Variants in CNTNAP2 observed in about 807,000 individuals in gnomAD.
CNTNAP2 encodes contactin-associated protein-like 2.
CNTNAP2 carries 98 observed loss-of-function variants against 155.2 expected under a neutral mutation model. That is an observed-to-expected ratio of 0.63 (90% CI 0.54 to 0.75). The LOEUF (loss-of-function observed/expected upper bound fraction) is 0.75. Among genes scored for constraint, CNTNAP2 ranks in the 30% least tolerant of loss-of-function variants. The pLI is 0.00. For synonymous variants in CNTNAP2, 651 were observed against 631.2 expected (o/e 1.03, Z -0.47); for missense variants, 1,727 against 1,688.1 (o/e 1.02, Z -0.40).
intron 1 of CNTNAP2, among the ~76,000 whole-genome samples, chr7:146,587,604 G>T (rs574200108): frequency 6.6e-6 from 1 of 152,012 alleles, no homozygotes; most frequent in South Asian, 2.1e-4. Flanking sequence ...TTATATGCAC[G>T]TATGATGGTA....
At chr7:148,276,454 C>T (rs1443841059) in intron 21 of CNTNAP2, among the ~76,000 whole-genome samples, 4 of 152,204 alleles carry the variant, frequency 2.6e-5, no homozygotes, top group Non-Finnish European at 5.9e-5. Context: ...CCACCTCCTC[C>T]CATCCTGCAG....
At chr7:146,164,309 A>T (rs755584216) in intron 1 of CNTNAP2, among the ~76,000 whole-genome samples, 2 of 152,152 alleles carry the variant, frequency 1.3e-5, no homozygotes, top group Non-Finnish European at 2.9e-5. Flanking sequence ...CTCATGTATC[A>T]CTCATCTACT....
intron 10 of CNTNAP2, among the ~76,000 whole-genome samples, chr7:147,454,955 G>C (rs938729949): frequency 6.6e-6 from 1 of 152,044 alleles, no homozygotes; most frequent in Admixed American, 6.6e-5. Context: ...CAGGATCATG[G>C]TCTTTAATCT....
At chr7:148,233,632 C>T (rs898509926) in intron 20 of CNTNAP2, among the ~76,000 whole-genome samples, 2 of 152,206 alleles carry the variant, frequency 1.3e-5, no homozygotes, top group Non-Finnish European at 2.9e-5. Flanking sequence ...ATCACATACA[C>T]GATAACAGCT....
chr7:146,126,973 A>G (rs1385163092), intron 1 of CNTNAP2, among the ~76,000 whole-genome samples: 3 of 152,046 alleles, frequency 2.0e-5, no homozygotes, highest in African/African-American at 4.8e-5. Context: ...TTCCCCCTCT[A>G]GCTTATCATC....
chr7:147,860,347 C>G (rs1469108232), intron 13 of CNTNAP2, among the ~76,000 whole-genome samples: 1 of 152,024 alleles, frequency 6.6e-6, no homozygotes, highest in East Asian at 1.9e-4. Context: ...TCGTTTGGAC[C>G]AAGGAGGTGG....
intron 8 of CNTNAP2, among the ~76,000 whole-genome samples, chr7:147,150,248 C>T (rs1435062159): frequency 6.6e-6 from 1 of 152,022 alleles, no homozygotes; most frequent in Admixed American, 6.6e-5. Context: ...GGAAAGAATT[C>T]CAAGCCAAGC....
chr7:146,978,607 T>C (rs1797956763), intron 3 of CNTNAP2, among the ~76,000 whole-genome samples: 1 of 152,104 alleles, frequency 6.6e-6, no homozygotes, highest in Non-Finnish European at 1.5e-5. Flanking sequence ...TAGTTAAATG[T>C]ATATATTCAT....
At chr7:146,606,577 GT>G (rs1354121405) in intron 1 of CNTNAP2, among the ~76,000 whole-genome samples, 2 of 152,060 alleles carry the variant, frequency 1.3e-5, no homozygotes, top group Non-Finnish European at 2.9e-5. Flanking sequence ...TCATTTTTAT[GT>G]TTTGTCTCTT....
chr7:146,491,182 T>G lies in CNTNAP2; in HGVS notation c.98-283089T>G, dbSNP rs569854807. On this transcript the variant is annotated intron_variant, in intron 1 of 23. Coordinates refer to ENST00000361727, the MANE Select transcript of CNTNAP2 (RefSeq NM_014141.6). ...TGAAAATAAAGTTTCCATGTACAACTAAATCATTCTAGCTACAAGAACACT... is the reference window on the plus strand; with the variant it reads ...TGAAAATAAAGTTTCCATGTACAACGAAATCATTCTAGCTACAAGAACACT... Among the ~76,000 whole-genome samples, 8 of 152,268 alleles carry G rather than the reference T, an allele frequency of 5.3e-5. No homozygotes were observed. In the East Asian group the frequency reaches 1.5e-3, roughly 29 times the overall value.
intron 13 of CNTNAP2, among the ~76,000 whole-genome samples, chr7:147,701,021 A>G (rs1487767296): frequency 6.6e-6 from 1 of 152,136 alleles, no homozygotes; most frequent in Non-Finnish European, 1.5e-5. Flanking sequence ...TCCTCCACGG[A>G]TGCTCATTTA....
intron 1 of CNTNAP2, among the ~76,000 whole-genome samples, chr7:146,494,095 G>T (rs2129131783): frequency 6.6e-6 from 1 of 152,256 alleles, no homozygotes; most frequent in African/African-American, 2.4e-5. Context: ...GTACTTTTGG[G>T]AGGCCGAGGC....
At chr7:146,689,437 G>GA (rs60409436) in intron 1 of CNTNAP2, among the ~76,000 whole-genome samples, 26 of 148,868 alleles carry the variant, frequency 1.7e-4, no homozygotes, top group Admixed American at 6.7e-4. Context: ...GAAAACAAAG[G>GA]AAAAAAAAAA....
intron 4 of CNTNAP2, among the ~76,000 whole-genome samples, chr7:147,091,447 ACTTTTTT>A (rs1024274085): frequency 7.2e-5 from 11 of 151,938 alleles, no homozygotes; most frequent in Non-Finnish European, 1.2e-4. Context: ...TCAACCATAT[ACTTTTTT>A]CTTTTTTCTT....
At chr7:148,068,055 G>T (rs1803302616) in intron 15 of CNTNAP2, among the ~76,000 whole-genome samples, 1 of 152,036 alleles carries the variant, frequency 6.6e-6, no homozygotes, top group South Asian at 2.1e-4. Context: ...CTGAGGTCTT[G>T]TCCCAGACTA....
At chr7:146,996,771 A>G (rs1463684500) in intron 3 of CNTNAP2, among the ~76,000 whole-genome samples, 3 of 152,052 alleles carry the variant, frequency 2.0e-5, no homozygotes, top group African/African-American at 7.2e-5. Context: ...AAAGCAGATG[A>G]TATGGTTTGG....
intron 1 of CNTNAP2, among the ~76,000 whole-genome samples, chr7:146,302,493 T>A (rs561157319): frequency 6.6e-6 from 1 of 152,198 alleles, no homozygotes; most frequent in Non-Finnish European, 1.5e-5. Context: ...AAATGCCTGA[T>A]GTATATTAAC....
intron 1 of CNTNAP2, among the ~76,000 whole-genome samples, chr7:146,208,346 A>T (rs2116879316): frequency 6.6e-6 from 1 of 152,260 alleles, no homozygotes; most frequent in South Asian, 2.1e-4. Flanking sequence ...ACTAAGTGTA[A>T]CAGAATTTCT....
At chr7:146,187,719 A>C (rs1798644280) in intron 1 of CNTNAP2, among the ~76,000 whole-genome samples, 1 of 151,850 alleles carries the variant, frequency 6.6e-6, no homozygotes, top group African/African-American at 2.4e-5. Flanking sequence ...ACTAAGGGCC[A>C]TCTTTGTGAT....
Sources: gnomAD v4.1 joint callset for allele counts (sites outside exome capture counted in the v4.1 genomes callset) on GRCh38, gnomAD v4.1.1 for gene constraint, MANE v1.5 for transcripts, NCBI Gene and HGNC (gene_info 2026-07-23, HGNC 2026-07-21) for gene names.